The following PLCH2 variants were observed in gnomAD, a reference collection of about 807,000 sequenced individuals.
PLCH2 encodes phospholipase C eta 2, also known as 1-phosphatidylinositol 4,5-bisphosphate phosphodiesterase eta-2.
A neutral mutation model predicts 134.7 loss-of-function variants in PLCH2; 98 were observed. The observed-to-expected ratio is 0.73, with a 90% CI of 0.62 to 0.86. PLCH2 has a LOEUF of 0.86. PLCH2 is among the 40% of genes least tolerant of loss of function. The pLI is 0.00. For synonymous variants in PLCH2, 974 were observed against 827.5 expected (o/e 1.18, Z -3.04); for missense variants, 1,994 against 1,986.6 (o/e 1.00, Z -0.07).
intron 20 of PLCH2, 130 bp from the exon 21 acceptor site, chr1:2,501,982 G>T: frequency 1.2e-6 from 1 of 811,472 alleles, no homozygotes; most frequent in Non-Finnish European, 1.8e-6. Context: ...CCAGCCTGAG[G>T]TGGCCCAGCC....
At chr1:2,459,210 C>T (rs1050700672) in intron 2 of PLCH2, among the ~76,000 whole-genome samples, 5 of 152,276 alleles carry the variant, frequency 3.3e-5, no homozygotes, top group Middle Eastern at 3.2e-3. Context: ...ACAAATGCCA[C>T]GCTGGTGACA....
Position 2,505,453 on chromosome 1 carries a change from AG to A in PLCH2, c.*242del. 3.5e-6 allele frequency: 2 copies of A among 571,482 alleles called. No individual in the cohort carries two copies. Among genetic ancestry groups the A allele is most frequent in the Non-Finnish European group, 6.2e-6 (2 of 324,558 alleles). The allele number at this position is 571,482 out of a possible 1,614,324, so 35.4% of individuals were successfully genotyped here. A position where few individuals can be genotyped will look rare whatever the true frequency, so the allele number is the denominator to read the frequency against. Reference sequence around the variant, plus strand: ...TGCCAGGCAGTTTTCCCGGCGTTTTAGGATCTGTACATAGAGAAATATTTAA... The same window carrying A: ...TGCCAGGCAGTTTTCCCGGCGTTTTAGATCTGTACATAGAGAAATATTTAA... On this transcript the variant is annotated 3_prime_UTR_variant, in exon 22 of 22. Coordinates refer to ENST00000378486, the MANE Select transcript of PLCH2 (RefSeq NM_014638.4).
upstream of PLCH2, among the ~76,000 whole-genome samples, chr1:2,475,592 G>C (rs867797619): frequency 2.0e-5 from 3 of 152,352 alleles, no homozygotes; most frequent in Middle Eastern, 0.01. Context: ...CTGAGACGGT[G>C]GGGTGGGTCC....
chr1:2,477,102 G>C (rs1315823383), intron 1 of PLCH2, among the ~76,000 whole-genome samples: 2 of 152,192 alleles, frequency 1.3e-5, no homozygotes, highest in African/African-American at 4.8e-5. Flanking sequence ...TTTGCCGTTA[G>C]GAGACTCTGC....
chr1:2,466,373 T>A (rs1641057130), upstream of PLCH2, among the ~76,000 whole-genome samples: 1 of 152,020 alleles, frequency 6.6e-6, no homozygotes, highest in Non-Finnish European at 1.5e-5. Flanking sequence ...GCCACCTGAG[T>A]GGTGGTAAAG....
At chr1:2,479,535 A>G in intron 2 of PLCH2, 199 bp from the exon 3 acceptor site, 1 of 563,088 alleles carries the variant, frequency 1.8e-6, no homozygotes, top group Non-Finnish European at 3.2e-6. Context: ...GGGGAGGGAC[A>G]CGGGTCAGCA....
intron 2 of PLCH2, among the ~76,000 whole-genome samples, chr1:2,446,037 C>T (rs544295180): frequency 1.8e-4 from 27 of 151,406 alleles, no homozygotes; most frequent in African/African-American, 5.3e-4. Context: ...GGCACGCCGA[C>T]GGGAGGGGGG....
At chr1:2,458,973 G>A (rs758393797) in intron 2 of PLCH2, among the ~76,000 whole-genome samples, 4 of 151,732 alleles carry the variant, frequency 2.6e-5, no homozygotes, top group Non-Finnish European at 5.9e-5. Flanking sequence ...GGGCCACGCC[G>A]GTCTTGCAGC....
In PLCH2 at chr1:2,453,344, G is replaced by A. The variant is rs1484622825; in HGVS notation, c.115+22715G>A. ...TATGTTTCCAGTCCGCCCTGTTATC[G>A]CCCATTGCAAAGATGAGGACATTGA... On this transcript the variant is annotated intron_variant, in intron 2 of 3. Transcript: ENST00000609981. 2.0e-5 allele frequency among the ~76,000 whole-genome samples: 3 copies of A among 152,320 alleles called. 1 individual carries two copies. Among genetic ancestry groups the A allele is most frequent in the Admixed American group, 1.3e-4 (2 of 15,308 alleles).
In PLCH2 at chr1:2,482,049, T is replaced by A. The variant is rs1641998742; in HGVS notation, c.645+1737T>A. ...TGGGCTGGACCCAGTGGGGCCTAAT[T>A]GCCAGAGTGCGCTGGGCGGGCACCG... On this transcript the variant is annotated intron_variant, in intron 4 of 21. Transcript: ENST00000378486. Among the ~76,000 whole-genome samples the A allele has an allele frequency of 2.0e-5, 3 of 152,240 alleles. No homozygotes were observed. The South Asian group carries it at 6.2e-4, about 32-fold the overall frequency.
chr1:2,494,951 C>T lies in PLCH2; in HGVS notation c.1752+3C>T. ...TGGGAAGCTTCTCCAGGCGCAAGGT[C>T]CGGCGCAGCTCCCAGGCCAGGGTCC... is the stretch of plus-strand genomic sequence containing the variant. On this transcript the variant is annotated splice_donor_region_variant and intron_variant, in intron 12 of 21. Coordinates refer to ENST00000378486, the MANE Select transcript of PLCH2 (RefSeq NM_014638.4). The T allele has an allele frequency of 6.3e-7, 1 of 1,579,966 alleles. No individual in the cohort carries two copies. Among genetic ancestry groups the T allele is most frequent in the Non-Finnish European group, 8.6e-7 (1 of 1,165,674 alleles).
At position 2,499,675 on chromosome 1, in the gene PLCH2, G is replaced by A. The variant is rs1363591940; in HGVS notation, c.2616G>A (p.Glu872=). ...YRHVYLEGME[E]ASIFVHVAVS... ...ACGTGTACCTAGAAGGGATGGAAGAGGCCTCCATCTTCGTGCATGTGGCTG... is the reference window on the plus strand; with the variant it reads ...ACGTGTACCTAGAAGGGATGGAAGAAGCCTCCATCTTCGTGCATGTGGCTG... Residue 872 remains glutamate (E), a synonymous_variant, in exon 20 of 22, where the codon GAG becomes GAA. Transcript: ENST00000378486. The A allele has an allele frequency of 1.9e-6, 3 of 1,601,388 alleles. No homozygotes were observed. Among genetic ancestry groups the A allele is most frequent in the African/African-American group, 2.7e-5 (2 of 74,742 alleles).
chr1:2,419,623 AC>A, the PLCH2 span, among the ~76,000 whole-genome samples: 2 of 151,784 alleles, frequency 1.3e-5, no homozygotes, highest in Non-Finnish European at 2.9e-5. Flanking sequence ...CCACCCCACC[AC>A]CTCACTGGCT....
intron 2 of PLCH2, among the ~76,000 whole-genome samples, chr1:2,437,373 G>A (rs1257271925): frequency 6.6e-6 from 1 of 152,104 alleles, no homozygotes; most frequent in East Asian, 1.9e-4. Context: ...ACCTCCTCTG[G>A]CCAGCTGGAC....
exon 1 of PLCH2, chr1:2,467,660 A>G (rs1303385322): frequency 7.3e-6 from 3 of 411,110 alleles, no homozygotes; most frequent in Admixed American, 4.4e-5. Context: ...AGCCAAGACC[A>G]AGGTAAGGGG....
chr1:2,437,550 C>G (rs1484444335), intron 2 of PLCH2, among the ~76,000 whole-genome samples: 1 of 151,874 alleles, frequency 6.6e-6, no homozygotes, highest in African/African-American at 2.4e-5. Context: ...TCTCCTGTCC[C>G]ATGTCCCACT....
chr1:2,483,616 GT>G (rs1642092185), intron 4 of PLCH2, among the ~76,000 whole-genome samples: 1 of 152,146 alleles, frequency 6.6e-6, no homozygotes, highest in African/African-American at 2.4e-5. Context: ...GTGAGGCAAA[GT>G]CCTCAATCCT....
chr1:2,431,387 C>T (rs1368380278), intron 2 of PLCH2, among the ~76,000 whole-genome samples: 1 of 152,158 alleles, frequency 6.6e-6, no homozygotes, highest in African/African-American at 2.4e-5. Context: ...AGAGGTGGCT[C>T]CGGCTTGTCA....
At chr1:2,451,113 C>T (rs376777862) in intron 2 of PLCH2, among the ~76,000 whole-genome samples, 51 of 152,184 alleles carry the variant, frequency 3.4e-4, no homozygotes, top group African/African-American at 1.2e-3. Flanking sequence ...CAATTTGGGG[C>T]AGGGCCTGGG....
Sources: gnomAD v4.1 joint callset for allele counts (sites outside exome capture counted in the v4.1 genomes callset) on GRCh38, gnomAD v4.1.1 for gene constraint, MANE v1.5 for transcripts, NCBI Gene and HGNC (gene_info 2026-07-23, HGNC 2026-07-21) for gene names.